RBMS3: variants seen among roughly 807,000 people sequenced by gnomAD.
RBMS3 encodes the protein RNA-binding motif, single-stranded-interacting protein 3.
A neutral mutation model predicts 66.8 loss-of-function variants in RBMS3; 27 were observed. That is an observed-to-expected ratio of 0.40 (90% CI 0.30 to 0.56). The LOEUF (loss-of-function observed/expected upper bound fraction) is 0.56. Ranked by LOEUF, RBMS3 falls within the 20% of genes least tolerant of loss-of-function variation. RBMS3 has a pLI of 0.40. For missense variants in RBMS3, 513 were observed against 549.5 expected (o/e 0.93, Z 0.66); for synonymous variants, 188 against 183.0 (o/e 1.03, Z -0.22).
intron 4 of RBMS3, among the ~76,000 whole-genome samples, chr3:29,703,201 A>G (rs4553939): frequency 0.098 from 14,946 of 152,244 alleles, 2,402 homozygotes; most frequent in African/African-American, 0.33. Context: ...GGGAGTTGTA[A>G]AAGTTTGTAG....
chr3:29,685,114 A>G (rs539091500), intron 4 of RBMS3, among the ~76,000 whole-genome samples: 55 of 152,236 alleles, frequency 3.6e-4, no homozygotes, highest in African/African-American at 1.3e-3. Context: ...GCGGGAGTGC[A>G]GTGGCGCGAT....
chr3:29,433,956 A>AT, intron 1 of RBMS3, among the ~76,000 whole-genome samples: 1 of 152,246 alleles, frequency 6.6e-6, no homozygotes, highest in East Asian at 1.9e-4. Flanking sequence ...CATCTGGGGA[A>AT]TGGGCATTAC....
chr3:29,658,216 G>A (rs1240923225), intron 4 of RBMS3, among the ~76,000 whole-genome samples: 2 of 152,122 alleles, frequency 1.3e-5, no homozygotes, highest in East Asian at 3.8e-4. Context: ...ATGCATGGCC[G>A]GTAGAAAACA....
At chr3:29,794,360 G>A (rs1279542745) in intron 6 of RBMS3, among the ~76,000 whole-genome samples, 1 of 152,150 alleles carries the variant, frequency 6.6e-6, no homozygotes, top group Non-Finnish European at 1.5e-5. Flanking sequence ...GCTGAGGCAG[G>A]TGGATCATGA....
At chr3:29,978,671 C>T (rs1697761459) in intron 12 of RBMS3, among the ~76,000 whole-genome samples, 1 of 151,630 alleles carries the variant, frequency 6.6e-6, no homozygotes, top group African/African-American at 2.4e-5. Context: ...CAAAAAAAAA[C>T]TAAAATTATC....
chr3:29,907,070 T>C (rs1363527158), intron 10 of RBMS3, among the ~76,000 whole-genome samples: 1 of 152,138 alleles, frequency 6.6e-6, no homozygotes, highest in Non-Finnish European at 1.5e-5. Flanking sequence ...TTATATTTGG[T>C]TATTGGGTCA....
intron 10 of RBMS3, chr3:29,924,699 G>A (rs897398958): frequency 6.6e-6 from 1 of 152,530 alleles, no homozygotes; most frequent in African/African-American, 2.4e-5. Context: ...GCCAGGTGTG[G>A]TGGTGCATGC....
At chr3:29,534,275 G>A (rs956581907) in intron 3 of RBMS3, among the ~76,000 whole-genome samples, 2 of 152,294 alleles carry the variant, frequency 1.3e-5, no homozygotes, top group East Asian at 3.9e-4. Flanking sequence ...AACTCAATCA[G>A]TTATCCTTAA....
At chr3:29,458,203 T>A (rs1206023645) in intron 2 of RBMS3, among the ~76,000 whole-genome samples, 5 of 152,206 alleles carry the variant, frequency 3.3e-5, no homozygotes, top group Non-Finnish European at 5.9e-5. Flanking sequence ...TACTGAGTAC[T>A]TTCCAGTATA....
At chr3:29,431,227 T>C (rs534705389) in intron 1 of RBMS3, among the ~76,000 whole-genome samples, 1 of 152,176 alleles carries the variant, frequency 6.6e-6, no homozygotes, top group South Asian at 2.1e-4. Context: ...TAAAATTCTA[T>C]GTGAAAAATG....
intron 6 of RBMS3, among the ~76,000 whole-genome samples, chr3:29,823,665 T>A (rs1382464405): frequency 6.6e-6 from 1 of 152,174 alleles, no homozygotes; most frequent in African/African-American, 2.4e-5. Context: ...AATAAACTTT[T>A]AATTTCAGCT....
chr3:29,323,133 G>T (rs2035106247), intron 1 of RBMS3, among the ~76,000 whole-genome samples: 2 of 152,136 alleles, frequency 1.3e-5, no homozygotes, highest in Admixed American at 1.3e-4. Context: ...ATTGTCACTG[G>T]TGTAATCTCC....
At chr3:29,502,231 CA>C (rs1488639795) in intron 3 of RBMS3, among the ~76,000 whole-genome samples, 1 of 152,016 alleles carries the variant, frequency 6.6e-6, no homozygotes, top group Admixed American at 6.6e-5. Flanking sequence ...GAATGGACAT[CA>C]AGTAACTAAC....
At chr3:29,880,872 G>T in intron 7 of RBMS3, 2 of 1,485,740 alleles carry the variant, frequency 1.3e-6, no homozygotes, top group South Asian at 2.4e-5. Context: ...TCTCACCTTA[G>T]ATTCTCTCCA....
intron 6 of RBMS3, among the ~76,000 whole-genome samples, chr3:29,792,950 A>G (rs2057060469): frequency 6.6e-6 from 1 of 152,168 alleles, no homozygotes; most frequent in Non-Finnish European, 1.5e-5. Flanking sequence ...TCCTTGAAGG[A>G]AAAGCTGGCC....
chr3:29,769,653 A>C (rs2149392848), intron 6 of RBMS3, among the ~76,000 whole-genome samples: 1 of 151,952 alleles, frequency 6.6e-6, no homozygotes, highest in Admixed American at 6.6e-5. Context: ...AATTTTCCAA[A>C]CCAGAGTATT....
rs1394577614 is a variant in RBMS3, at chr3:29,997,465, A to G, written c.1307+6256A>G. ...CCAAAGCCGGGCAGAGACACAACAAAAAAAGAGAATTTGAGACCGATATCC... is the reference window on the plus strand; with the variant it reads ...CCAAAGCCGGGCAGAGACACAACAAGAAAAGAGAATTTGAGACCGATATCC... On this transcript the variant is annotated intron_variant, in intron 14 of 14. Coordinates refer to ENST00000383767, the MANE Select transcript of RBMS3 (RefSeq NM_001003793.3). 1.3e-5 allele frequency among the ~76,000 whole-genome samples: 2 copies of G among 148,652 alleles called. 1 individual carries two copies. The highest frequency in any genetic ancestry group is 4.0e-4 in the East Asian group (2 of 5,036).
chr3:29,765,089 CT>C (rs1195772885), intron 6 of RBMS3, among the ~76,000 whole-genome samples: 1 of 151,856 alleles, frequency 6.6e-6, no homozygotes, highest in African/African-American at 2.4e-5. Context: ...GCTTCAAATG[CT>C]AAGTAAAGAC....
intron 3 of RBMS3, among the ~76,000 whole-genome samples, chr3:29,506,933 T>C (rs561511469): frequency 3.9e-5 from 6 of 152,010 alleles, no homozygotes; most frequent in Non-Finnish European, 7.4e-5. Context: ...TATCTCCTCT[T>C]TCATTTCTGA....
Sources: allele counts gnomAD v4.1 joint callset (sites outside exome capture counted in the v4.1 genomes callset), GRCh38; gene constraint gnomAD v4.1.1; transcripts MANE v1.5; gene names NCBI Gene and HGNC (gene_info 2026-07-23, HGNC 2026-07-21).